The following THSD4 variants were observed in gnomAD, a reference collection of about 807,000 sequenced individuals.
THSD4 encodes the protein thrombospondin type 1 domain containing 4, also known as thrombospondin type-1 domain-containing protein 4.
THSD4 carries 69 observed loss-of-function variants against 119.0 expected under a neutral mutation model. That is an observed-to-expected ratio of 0.58 (90% CI 0.48 to 0.71). THSD4 has a LOEUF of 0.71. Among genes scored for constraint, THSD4 ranks in the 30% least tolerant of loss-of-function variants. THSD4 has a pLI of 0.00. For missense variants in THSD4, 1,393 were observed against 1,391.1 expected (o/e 1.00, Z -0.02); for synonymous variants, 524 against 540.4 (o/e 0.97, Z 0.42).
At chr15:71,199,869 GTGTGTGTGTGGTGCATGTGTGGTA>G (rs1369123961) in intron 3 of THSD4, among the ~76,000 whole-genome samples, 37,883 of 121,594 alleles carry the variant, frequency 0.31, 1,422 homozygotes, top group Non-Finnish European at 0.4. Context: ...TGTGGGGTGT[GTGTGTGTGTGGTGCATGTGTGGTA>G]TGTGTGTGTG....
intron 11 of THSD4, among the ~76,000 whole-genome samples, 196 bp from the exon 12 acceptor site, chr15:71,744,910 C>T (rs562646619): frequency 6.6e-6 from 1 of 152,152 alleles, no homozygotes; most frequent in African/African-American, 2.4e-5. Context: ...CCCCACAGTT[C>T]CTAGCAAAGA....
intron 7 of THSD4, among the ~76,000 whole-genome samples, chr15:71,631,524 G>A (rs1274268349): frequency 1.3e-5 from 2 of 152,186 alleles, no homozygotes; most frequent in Non-Finnish European, 2.9e-5. Flanking sequence ...TGGGGTAGCT[G>A]GAAGGGAAGA....
chr15:71,777,334 G>C lies in THSD4; in HGVS notation c.3017G>C (p.Arg1006Pro), dbSNP rs200927911. 2 of 1,614,040 alleles carry C rather than the reference G, an allele frequency of 1.2e-6. No homozygotes were observed. Among genetic ancestry groups the C allele is most frequent in the African/African-American group, 2.7e-5 (2 of 74,936 alleles). ...YKTACCASCT[R>P]VANRQTGFLG... Reference sequence around the variant, plus strand: ...ACCGCCTGCTGTGCCTCCTGCACCCGTGTGGCCAACAGGCAGACGGGCTTC... The same window carrying C: ...ACCGCCTGCTGTGCCTCCTGCACCCCTGTGGCCAACAGGCAGACGGGCTTC... Residue 1006 changes from arginine to proline, a missense_variant, in exon 18 of 18, where the codon CGT (arginine) becomes CCT (proline). Arg to Pro is a moderately radical substitution (Grantham distance 103). Coordinates refer to ENST00000261862, the MANE Select transcript of THSD4 (RefSeq NM_024817.3).
chr15:71,747,215 T>C (rs928569070), intron 13 of THSD4, among the ~76,000 whole-genome samples, 173 bp downstream of exon 13: 3 of 152,158 alleles, frequency 2.0e-5, no homozygotes, highest in East Asian at 1.9e-4. Flanking sequence ...AATAGTTCAA[T>C]AGAGTTCAGG....
intron 6 of THSD4, among the ~76,000 whole-genome samples, chr15:71,314,545 G>T (rs1021297850): frequency 6.6e-6 from 1 of 152,116 alleles, no homozygotes; most frequent in Non-Finnish European, 1.5e-5. Context: ...GACCTCTGAT[G>T]GTCCATCTGT....
chr15:71,140,674 C>A (rs113722078), intron 1 of THSD4, among the ~76,000 whole-genome samples: 1,562 of 152,286 alleles, frequency 0.01, 26 homozygotes, highest in African/African-American at 0.035. Context: ...TGCAGGAGTT[C>A]TTTAGACAGT....
intron 3 of THSD4, among the ~76,000 whole-genome samples, chr15:71,197,252 C>T (rs1488922205): frequency 3.9e-5 from 6 of 152,096 alleles, no homozygotes; most frequent in African/African-American, 1.4e-4. Flanking sequence ...TGTGATAGCT[C>T]GATTATGCTT....
At chr15:71,285,771 T>C (rs1388307649) in intron 6 of THSD4, among the ~76,000 whole-genome samples, 1 of 149,026 alleles carries the variant, frequency 6.7e-6, no homozygotes, top group Non-Finnish European at 1.5e-5. Context: ...GAAGAATTGC[T>C]TGAACCTGGG....
At chr15:71,341,426 T>G in intron 6 of THSD4, 3 of 1,612,898 alleles carry the variant, frequency 1.9e-6, no homozygotes, top group Non-Finnish European at 2.5e-6. Flanking sequence ...CTCTGCGTTT[T>G]TAAGCATGTG....
In THSD4 at chr15:71,676,065, C is replaced by T. The variant is rs867725468; in HGVS notation, c.1357+15331C>T. 4.6e-5 allele frequency among the ~76,000 whole-genome samples: 7 copies of T among 152,206 alleles called. No individual in the cohort carries two copies. The South Asian group carries it at 8.3e-4, about 18-fold the overall frequency. The stretch of plus-strand genomic sequence containing the variant: ...GTTATTATCTTAGTCACTAGACTTG[C>T]ACCATCTTGCCTCAGCAGACCTTCT... On this transcript the variant is annotated intron_variant, in intron 8 of 17. Transcript: ENST00000261862.
intron 7 of THSD4, among the ~76,000 whole-genome samples, chr15:71,464,997 A>C (rs1394650589): frequency 6.6e-6 from 1 of 152,086 alleles, no homozygotes. Flanking sequence ...AAACCTTCCA[A>C]ATTGAGTCAA....
At chr15:71,633,288 T>TTG (rs1403688846) in intron 7 of THSD4, among the ~76,000 whole-genome samples, 9 of 140,300 alleles carry the variant, frequency 6.4e-5, no homozygotes, top group African/African-American at 1.0e-4. Context: ...TTTTTTTTTT[T>TTG]TTTTGGAGAC....
chr15:71,570,258 G>A (rs1250295660), intron 7 of THSD4, among the ~76,000 whole-genome samples: 1 of 152,130 alleles, frequency 6.6e-6, no homozygotes, highest in Admixed American at 6.5e-5. Flanking sequence ...TTTACAAATG[G>A]CTTTCTCGTT....
At chr15:71,587,786 T>TAAAAAAAAAAAAAA (rs1491483701) in intron 7 of THSD4, among the ~76,000 whole-genome samples, 1 of 5,766 alleles carries the variant, frequency 1.7e-4, no homozygotes, top group Non-Finnish European at 5.0e-4. Context: ...AAAAAAAAAA[T>TAAAAAAAAAAAAAA]TAAAAAAAAA....
chr15:71,326,599 G>A (rs1393657728), intron 6 of THSD4, among the ~76,000 whole-genome samples: 1 of 140,772 alleles, frequency 7.1e-6, no homozygotes, highest in Non-Finnish European at 1.5e-5. Context: ...GTTTGAACCT[G>A]GGAGGTGGAG....
intron 3 of THSD4, among the ~76,000 whole-genome samples, chr15:71,203,663 C>T (rs1298973578): frequency 1.3e-5 from 2 of 152,148 alleles, no homozygotes; most frequent in South Asian, 2.1e-4. Context: ...AAGACTCCAT[C>T]TTAAAATACC....
intron 6 of THSD4, among the ~76,000 whole-genome samples, chr15:71,333,142 G>A (rs915323038): frequency 1.3e-5 from 2 of 151,688 alleles, no homozygotes; most frequent in African/African-American, 4.8e-5. Flanking sequence ...TGCTGCCCAC[G>A]AGGTGGGGGC....
rs1011749030 is a variant in THSD4 at position 71,660,611 on chromosome 15, C to G, written c.1234C>G (p.Gln412Glu). 1.2e-6 allele frequency: 2 copies of G among 1,614,064 alleles called. No individual in the cohort carries two copies. The highest frequency in any genetic ancestry group is 2.7e-5 in the African/African-American group (2 of 74,926). ...GVCGGDNTGC[Q>E]VVSGVFKHAL... ...GTGTGGAGGAGACAACACGGGCTGT[C>G]AGGTTGTGTCGGGCGTGTTTAAGCA... The change falls in exon 8 of 18, where the codon CAG (glutamine) becomes GAG (glutamate). Residue 412 changes from glutamine (Q) to glutamate (E), a missense_variant. Transcript: ENST00000261862.
At chr15:71,298,269 A>G (rs1380357260) in intron 6 of THSD4, among the ~76,000 whole-genome samples, 2 of 152,000 alleles carry the variant, frequency 1.3e-5, no homozygotes, top group African/African-American at 4.8e-5. Flanking sequence ...ATTTCTCTGG[A>G]CTCTCAATTC....
Sources: allele counts gnomAD v4.1 joint callset (sites outside exome capture counted in the v4.1 genomes callset), GRCh38; gene constraint gnomAD v4.1.1; transcripts MANE v1.5; gene names NCBI Gene and HGNC (gene_info 2026-07-23, HGNC 2026-07-21).